EYS: variants seen among roughly 807,000 people sequenced by gnomAD.
EYS encodes protein eyes shut homolog.
A neutral mutation model predicts 282.1 loss-of-function variants in EYS; 250 were observed. The ratio of observed to expected loss-of-function variants is 0.89; its 90% CI spans 0.80 to 0.98. The LOEUF is 0.98. EYS is among the 50% of genes least tolerant of loss of function. EYS has a pLI of 0.00. For synonymous variants in EYS, 1,355 were observed against 1,282.9 expected (o/e 1.06, Z -1.20); for missense variants, 4,016 against 3,709.0 (o/e 1.08, Z -2.15).
chr6:65,327,065 G>T (rs540551744), intron 11 of EYS, among the ~76,000 whole-genome samples: 1 of 151,594 alleles, frequency 6.6e-6, no homozygotes, highest in African/African-American at 2.4e-5. Context: ...ACTTTCAGGA[G>T]CCTAAATTAA....
intron 26 of EYS, among the ~76,000 whole-genome samples, chr6:64,511,414 A>G (rs16895399): frequency 0.023 from 3,556 of 151,956 alleles, 137 homozygotes; most frequent in African/African-American, 0.082. Context: ...TCGCAAGATG[A>G]TTTAGGACAA....
chr6:64,702,900 T>C (rs1213693935), intron 22 of EYS, among the ~76,000 whole-genome samples: 1 of 151,474 alleles, frequency 6.6e-6, no homozygotes, highest in Non-Finnish European at 1.5e-5. Context: ...CTAAAAGCAA[T>C]GCTTTGCAAG....
intron 12 of EYS, among the ~76,000 whole-genome samples, chr6:65,162,740 G>A (rs1157129792): frequency 6.6e-6 from 1 of 150,940 alleles, no homozygotes; most frequent in Non-Finnish European, 1.5e-5. Context: ...TCTCATTGGT[G>A]TTTAGGTGCT....
At chr6:63,919,613 C>T (rs1324965059) in intron 35 of EYS, among the ~76,000 whole-genome samples, 1 of 152,158 alleles carries the variant, frequency 6.6e-6, no homozygotes, top group Non-Finnish European at 1.5e-5. Flanking sequence ...TTCTGGGGGA[C>T]TGGGGGAAGG....
intron 2 of EYS, among the ~76,000 whole-genome samples, chr6:65,603,270 A>G (rs775497315): frequency 5.9e-5 from 9 of 151,930 alleles, no homozygotes; most frequent in African/African-American, 9.7e-5. Context: ...GCAATGGGTA[A>G]GTGGATCACC....
chr6:65,548,497 T>G (rs145262995), intron 2 of EYS, among the ~76,000 whole-genome samples: 26 of 152,308 alleles, frequency 1.7e-4, no homozygotes, highest in African/African-American at 5.8e-4. Flanking sequence ...AAAGTAAATG[T>G]ACACTTTTAT....
At chr6:65,511,341 C>CTGTGTG (rs202062196) in intron 2 of EYS, among the ~76,000 whole-genome samples, 2 of 148,568 alleles carry the variant, frequency 1.3e-5, no homozygotes, top group Non-Finnish European at 3.0e-5. Context: ...CAAATGCATT[C>CTGTGTG]TGTGTGTGTG....
chr6:63,989,163 G>T (rs535994144), intron 34 of EYS, among the ~76,000 whole-genome samples: 4 of 151,560 alleles, frequency 2.6e-5, no homozygotes, highest in Non-Finnish European at 4.4e-5. Flanking sequence ...TTATCAGAGC[G>T]CACTTGTCTT....
At chr6:63,944,696 A>G (rs973223903) in intron 35 of EYS, among the ~76,000 whole-genome samples, 2 of 152,132 alleles carry the variant, frequency 1.3e-5, no homozygotes, top group African/African-American at 4.8e-5. Context: ...TGGGAGGCTG[A>G]GGTGGGTGGA....
At chr6:64,599,315 T>C (rs1279683850) in intron 24 of EYS, among the ~76,000 whole-genome samples, 1 of 152,158 alleles carries the variant, frequency 6.6e-6, no homozygotes, top group East Asian at 1.9e-4. Context: ...ATAATTAGAC[T>C]GACCTGGAGT....
intron 14 of EYS, among the ~76,000 whole-genome samples, chr6:64,954,746 C>T (rs1769631989): frequency 6.6e-6 from 1 of 152,176 alleles, no homozygotes; most frequent in Admixed American, 6.5e-5. Flanking sequence ...CAATTTTTCC[C>T]CCACCCCTGG....
chr6:64,792,729 G>C (rs1774228978), intron 22 of EYS, among the ~76,000 whole-genome samples: 1 of 152,028 alleles, frequency 6.6e-6, no homozygotes, highest in African/African-American at 2.4e-5. Flanking sequence ...ATTTGGCATA[G>C]TCAGCTATTA....
intron 12 of EYS, among the ~76,000 whole-genome samples, chr6:65,145,081 T>C (rs1764443475): frequency 6.6e-6 from 1 of 151,960 alleles, no homozygotes; most frequent in Admixed American, 6.6e-5. Context: ...ACTCACCTTT[T>C]GAAACACACA....
intron 14 of EYS, among the ~76,000 whole-genome samples, chr6:64,981,094 G>C (rs2150116585): frequency 6.6e-6 from 1 of 151,356 alleles, no homozygotes; most frequent in Non-Finnish European, 1.5e-5. Flanking sequence ...AGCCTCGGTG[G>C]ATGAGCAATT....
intron 16 of EYS, 68 bp from the exon 17 acceptor site, chr6:64,902,568 G>A: frequency 4.4e-6 from 4 of 919,370 alleles, no homozygotes; most frequent in Non-Finnish European, 6.4e-6. Context: ...CAGAATCAGT[G>A]GTAGTCTAAA....
At chr6:65,550,152 T>TACC (rs1768560292) in intron 2 of EYS, among the ~76,000 whole-genome samples, 1 of 9,306 alleles carries the variant, frequency 1.1e-4, no homozygotes, top group African/African-American at 2.2e-3. Flanking sequence ...TCTTTTTTTT[T>TACC]TTTTTTTTTT....
chr6:63,831,467 A>AG lies in EYS; in HGVS notation c.7229-25096dup, dbSNP rs199861013. On this transcript the variant is annotated intron_variant, in intron 36 of 42. Coordinates refer to ENST00000503581, the MANE Select transcript of EYS (RefSeq NM_001142800.2). ...AACCAACAAAGATCAAAAGAGACAA[A>AG]GAAGGCCATTACATAAGTAAAGGGA... Among the ~76,000 whole-genome samples, 196 of 152,352 alleles carry AG rather than the reference A, an allele frequency of 1.3e-3. 7 individuals carry two copies. The East Asian group carries it at 0.034, about 26-fold the overall frequency.
chr6:63,736,802 C>T (rs930825570), intron 41 of EYS, among the ~76,000 whole-genome samples: 5 of 151,036 alleles, frequency 3.3e-5, no homozygotes, highest in Admixed American at 6.6e-5. Flanking sequence ...AGGTCCTTCA[C>T]GTCCCTTGTA....
chr6:65,073,709 G>A (rs1454223078), intron 12 of EYS, among the ~76,000 whole-genome samples: 1 of 151,506 alleles, frequency 6.6e-6, no homozygotes, highest in Non-Finnish European at 1.5e-5. Context: ...TTATTTTATT[G>A]AGACTAGACT....
Sources: gnomAD v4.1 joint callset for allele counts (sites outside exome capture counted in the v4.1 genomes callset) on GRCh38, gnomAD v4.1.1 for gene constraint, MANE v1.5 for transcripts, NCBI Gene and HGNC (gene_info 2026-07-23, HGNC 2026-07-21) for gene names.